NCKAP5: variants seen among roughly 807,000 people sequenced by gnomAD.
The protein encoded by NCKAP5 is NCK associated protein 5.
NCKAP5 carries 92 observed loss-of-function variants against 167.0 expected under a neutral mutation model. The ratio of observed to expected loss-of-function variants is 0.55; its 90% CI spans 0.47 to 0.66. NCKAP5 has a LOEUF of 0.66. NCKAP5 is among the 30% of genes least tolerant of loss of function. The probability of loss-of-function intolerance (pLI) is 0.00; values close to 1 mark genes in which losing one functional copy is unlikely to be tolerated. For missense variants in NCKAP5, 2,378 were observed against 2,315.0 expected, an observed-to-expected ratio of 1.03 and a Z score of -0.56; for synonymous variants, 891 against 877.4, an observed-to-expected ratio of 1.02 and a Z score of -0.27.
intron 12 of NCKAP5, among the ~76,000 whole-genome samples, chr2:132,795,687 C>T (rs139877707): frequency 0.19 from 28,039 of 151,382 alleles, 3,084 homozygotes; most frequent in East Asian, 0.29. Flanking sequence ...GGTGTGGCGG[C>T]GGGCGCCTAT....
intron 3 of NCKAP5, among the ~76,000 whole-genome samples, chr2:133,366,123 G>A (rs1263356659): frequency 6.6e-6 from 1 of 152,168 alleles, no homozygotes; most frequent in African/African-American, 2.4e-5. Flanking sequence ...AGTTTTGTGA[G>A]CACATTTTTT....
chr2:133,230,538 A>C (rs1231332106), intron 4 of NCKAP5, among the ~76,000 whole-genome samples: 1 of 152,150 alleles, frequency 6.6e-6, no homozygotes, highest in Non-Finnish European at 1.5e-5. Context: ...CTGAGTTCTA[A>C]TGTTACACTG....
chr2:133,483,670 C>T (rs75120432), intron 3 of NCKAP5, among the ~76,000 whole-genome samples: 9,151 of 151,434 alleles, frequency 0.06, 308 homozygotes, highest in South Asian at 0.16. Context: ...TTCAGAACAA[C>T]GGGCTTTCTT....
chr2:133,441,531 T>C (rs1690862442), intron 3 of NCKAP5, among the ~76,000 whole-genome samples: 1 of 152,184 alleles, frequency 6.6e-6, no homozygotes, highest in Non-Finnish European at 1.5e-5. Flanking sequence ...ACCAAGAAAG[T>C]CTAGGTACAA....
chr2:132,777,878 G>A (rs926998028), intron 15 of NCKAP5, among the ~76,000 whole-genome samples: 1 of 151,812 alleles, frequency 6.6e-6, no homozygotes, highest in East Asian at 1.9e-4. Context: ...ATGTGACACT[G>A]GGTAAAGAGA....
the NCKAP5 span, among the ~76,000 whole-genome samples, chr2:133,619,466 G>T: frequency 2.0e-5 from 3 of 151,852 alleles, no homozygotes; most frequent in Non-Finnish European, 4.4e-5. Context: ...CTCAGCAATA[G>T]ATCGAACAAG....
intron 17 of NCKAP5, among the ~76,000 whole-genome samples, 160 bp from the exon 18 acceptor site, chr2:132,729,112 C>T (rs1690743381): frequency 6.6e-6 from 1 of 152,166 alleles, no homozygotes; most frequent in Non-Finnish European, 1.5e-5. Flanking sequence ...TCTGTGCTGC[C>T]CAAAACATCT....
At chr2:133,277,942 A>C (rs1233542220) in intron 4 of NCKAP5, among the ~76,000 whole-genome samples, 2 of 152,194 alleles carry the variant, frequency 1.3e-5, no homozygotes, top group African/African-American at 4.8e-5. Context: ...TTGACCAAAC[A>C]TAACATTAAA....
At position 132,936,963 on chromosome 2, in the gene NCKAP5, G is replaced by T. The variant is rs150501655; in HGVS notation, c.579+26757C>A. The stretch of plus-strand genomic sequence containing the variant: ...TGTTTAATAGTGATGATGTGAAAAA[G>T]AAACCAGTGAGTGAGTAGGGAAGTG... On this transcript the variant is annotated intron_variant, in intron 8 of 19. Transcript: ENST00000409261. Among the ~76,000 whole-genome samples, 158 of 152,278 alleles carry T rather than the reference G, an allele frequency of 1.0e-3. 1 individual carries two copies. Among genetic ancestry groups the T allele is most frequent in the Non-Finnish European group, 1.2e-3 (81 of 68,012 alleles).
intron 4 of NCKAP5, among the ~76,000 whole-genome samples, chr2:133,240,767 T>C (rs898287672): frequency 3.3e-5 from 5 of 152,172 alleles, no homozygotes; most frequent in Admixed American, 6.5e-5. Context: ...CACCTCCATA[T>C]AGAACACTAG....
At chr2:133,354,294 C>CT (rs561928273) in intron 3 of NCKAP5, among the ~76,000 whole-genome samples, 6,008 of 133,282 alleles carry the variant, frequency 0.045, 324 homozygotes, top group African/African-American at 0.14. Flanking sequence ...TCTCTCTTTC[C>CT]TTTTTTTTTT....
At chr2:133,660,250 G>T in the NCKAP5 span, among the ~76,000 whole-genome samples, 7 of 152,014 alleles carry the variant, frequency 4.6e-5, no homozygotes, top group Admixed American at 4.6e-4. Context: ...TTACCTGTTG[G>T]ATTCTGACTT....
At chr2:132,988,340 T>C (rs1209474151) in intron 7 of NCKAP5, among the ~76,000 whole-genome samples, 2 of 151,744 alleles carry the variant, frequency 1.3e-5, no homozygotes, top group South Asian at 2.1e-4. Context: ...CACACGACTG[T>C]AGGCCCAGCT....
intron 16 of NCKAP5, among the ~76,000 whole-genome samples, chr2:132,740,917 A>G (rs1214190368): frequency 1.3e-5 from 2 of 152,122 alleles, no homozygotes; most frequent in African/African-American, 4.8e-5. Context: ...ATTTAAACCA[A>G]TATAAAAGAA....
intron 8 of NCKAP5, among the ~76,000 whole-genome samples, chr2:132,962,695 A>G (rs1034648757): frequency 2.0e-5 from 3 of 152,112 alleles, no homozygotes; most frequent in African/African-American, 7.2e-5. Flanking sequence ...GGTTCACGCC[A>G]TTCTCCTGCC....
At chr2:133,250,781 T>A (rs1210785795) in intron 4 of NCKAP5, among the ~76,000 whole-genome samples, 2 of 152,010 alleles carry the variant, frequency 1.3e-5, no homozygotes, top group Non-Finnish European at 2.9e-5. Context: ...CTACAAAAAA[T>A]TAGTTGTGCA....
intron 3 of NCKAP5, among the ~76,000 whole-genome samples, chr2:133,322,842 C>T (rs1195824164): frequency 6.6e-6 from 1 of 152,194 alleles, no homozygotes; most frequent in Non-Finnish European, 1.5e-5. Context: ...CTAAAACAGA[C>T]TGCAGGGTCC....
chr2:132,903,305 GTT>G (rs1245896203), intron 8 of NCKAP5, among the ~76,000 whole-genome samples: 1 of 152,204 alleles, frequency 6.6e-6, no homozygotes, highest in East Asian at 1.9e-4. Context: ...TACCATTTTG[GTT>G]AAATGGCTAC....
At chr2:133,309,520 T>C (rs1465299704) in intron 3 of NCKAP5, among the ~76,000 whole-genome samples, 1 of 152,214 alleles carries the variant, frequency 6.6e-6, no homozygotes, top group Non-Finnish European at 1.5e-5. Context: ...TTTTATGTTT[T>C]AAAAATTTTA....
Sources: gnomAD v4.1 joint callset for allele counts (sites outside exome capture counted in the v4.1 genomes callset) on GRCh38, gnomAD v4.1.1 for gene constraint, MANE v1.5 for transcripts, NCBI Gene and HGNC (gene_info 2026-07-23, HGNC 2026-07-21) for gene names.